The following SESTD1 variants were observed in gnomAD, a reference collection of about 807,000 sequenced individuals.
SESTD1 encodes the protein SEC14 domain and spectrin repeat-containing protein 1.
In SESTD1, 43 loss-of-function variants were observed where a neutral mutation model predicts 101.7. That is an observed-to-expected ratio of 0.42 (90% CI 0.33 to 0.55). The LOEUF is 0.55. Ranked by LOEUF, SESTD1 falls within the 20% of genes least tolerant of loss-of-function variation. The pLI, the probability that SESTD1 is intolerant of heterozygous loss-of-function variation, is 0.07. For synonymous variants in SESTD1, 283 were observed against 286.8 expected, an observed-to-expected ratio of 0.99 and a Z score of 0.13; for missense variants, 647 against 815.1, an observed-to-expected ratio of 0.79 and a Z score of 2.51.
intron 4 of SESTD1, among the ~76,000 whole-genome samples, chr2:179,173,615 T>C (rs887250879): frequency 6.6e-6 from 1 of 152,186 alleles, no homozygotes; most frequent in African/African-American, 2.4e-5. Flanking sequence ...TAAAAAGTCA[T>C]TGAGCTGAAT....
At chr2:179,168,330 T>C (rs975949219) in intron 5 of SESTD1, among the ~76,000 whole-genome samples, 4 of 152,226 alleles carry the variant, frequency 2.6e-5, no homozygotes, top group African/African-American at 9.7e-5. Flanking sequence ...ATACAATGTA[T>C]AATACATATA....
chr2:179,132,134 TA>T (rs2045027359), intron 10 of SESTD1, 169 bp downstream of exon 10: 4 of 651,892 alleles, frequency 6.1e-6, no homozygotes, highest in Non-Finnish European at 9.2e-6. Context: ...ACCTTCTAAT[TA>T]ACATGTACTA....
chr2:179,256,811 CA>C (rs368195849), intron 1 of SESTD1, among the ~76,000 whole-genome samples: 2,584 of 76,498 alleles, frequency 0.034, 24 homozygotes, highest in East Asian at 0.058. Context: ...GACTCCACCT[CA>C]AAAAAAAAAA....
chr2:179,218,634 G>T (rs1244081388), intron 1 of SESTD1, among the ~76,000 whole-genome samples: 1 of 152,158 alleles, frequency 6.6e-6, no homozygotes, highest in Non-Finnish European at 1.5e-5. Context: ...TACAGTTAGG[G>T]ACAATGAATT....
chr2:179,170,119 G>C (rs2045904705), intron 5 of SESTD1, among the ~76,000 whole-genome samples: 1 of 151,314 alleles, frequency 6.6e-6, no homozygotes, highest in Non-Finnish European at 1.5e-5. Context: ...CAATCTTTGT[G>C]ACCTTGAGTA....
In SESTD1 at chr2:179,112,854, A is replaced by C; in HGVS notation, c.1840-9T>G. The C allele has an allele frequency of 6.2e-7, 1 of 1,605,652 alleles. No individual in the cohort carries two copies. The highest frequency in any genetic ancestry group is 1.3e-5 in the African/African-American group (1 of 74,704). ...GGACAGTCCTGCAAAATCTGCAACA[A>C]ATAAAAGAGCAACATCAATCAAGAG... On this transcript the variant is annotated splice_polypyrimidine_tract_variant and intron_variant, in intron 16 of 17. Transcript: ENST00000428443.
intron 1 of SESTD1, among the ~76,000 whole-genome samples, chr2:179,245,590 G>T (rs928123571): frequency 6.6e-6 from 1 of 151,268 alleles, no homozygotes; most frequent in Non-Finnish European, 1.5e-5. Flanking sequence ...TACTTAGGGG[G>T]AGCTGAGGTG....
At chr2:179,196,080 C>T (rs1475150717) in intron 1 of SESTD1, among the ~76,000 whole-genome samples, 1 of 152,052 alleles carries the variant, frequency 6.6e-6, no homozygotes, top group Non-Finnish European at 1.5e-5. Context: ...AGACAGTGGG[C>T]GCAGGTCAGT....
chr2:179,202,907 T>C (rs142272338), intron 1 of SESTD1, among the ~76,000 whole-genome samples: 1 of 134,458 alleles, frequency 7.4e-6, no homozygotes, highest in Non-Finnish European at 1.6e-5. Flanking sequence ...CCACAGGGTC[T>C]CCTGACAAAC....
At chr2:179,158,829 C>G (rs1438210247) in intron 5 of SESTD1, among the ~76,000 whole-genome samples, 2 of 152,188 alleles carry the variant, frequency 1.3e-5, no homozygotes, top group Admixed American at 1.3e-4. Context: ...GTATCAACAC[C>G]AAAGGTATCT....
Position 179,136,162 on chromosome 2 carries a change from T to C in SESTD1, c.850-3736A>G, listed in dbSNP as rs76990306. ...GTCTGAATTCCGGCTCTGCTTCTTC[T>C]AGTTGAAAGACTTTGGTTTCTCATC... is the stretch of plus-strand genomic sequence containing the variant. On this transcript the variant is annotated intron_variant, in intron 9 of 17. Transcript: ENST00000428443. Among the ~76,000 whole-genome samples, 651 of 152,356 alleles carry C rather than the reference T, an allele frequency of 4.3e-3. 2 individuals are homozygous for C. Among genetic ancestry groups the C allele is most frequent in the African/African-American group, 0.014 (603 of 41,592 alleles).
chr2:179,116,504 G>T, intron 15 of SESTD1, 164 bp downstream of exon 15: 2 of 1,033,630 alleles, frequency 1.9e-6, no homozygotes, highest in Non-Finnish European at 3.0e-6. Flanking sequence ...TCAAGTTTAT[G>T]CAGGCTAGTT....
chr2:179,155,529 C>A (rs1460947632), intron 5 of SESTD1, among the ~76,000 whole-genome samples: 1 of 151,866 alleles, frequency 6.6e-6, no homozygotes, highest in Non-Finnish European at 1.5e-5. Context: ...GGTAAGAGGA[C>A]TGCTTGAGCC....
intron 1 of SESTD1, among the ~76,000 whole-genome samples, chr2:179,254,561 C>T (rs182805750): frequency 6.6e-6 from 1 of 152,354 alleles, no homozygotes; most frequent in East Asian, 1.9e-4. Flanking sequence ...TACTCCTACT[C>T]ATAACAATAA....
chr2:179,225,627 T>A (rs1198929366), intron 1 of SESTD1, among the ~76,000 whole-genome samples: 4 of 152,134 alleles, frequency 2.6e-5, no homozygotes, highest in African/African-American at 7.2e-5. Context: ...CACCACCAGG[T>A]TCAGTGCCTG....
At chr2:179,228,477 G>A (rs1043271338) in intron 1 of SESTD1, among the ~76,000 whole-genome samples, 1 of 152,168 alleles carries the variant, frequency 6.6e-6, no homozygotes, top group African/African-American at 2.4e-5. Context: ...AGCCTGTGGT[G>A]GGAATGGGGT....
At position 179,143,739 on chromosome 2, in the gene SESTD1, C is replaced by G. The variant is rs1473908790; in HGVS notation, c.702G>C (p.Trp234Cys). 6.8e-6 allele frequency: 11 copies of G among 1,613,938 alleles called. No individual in the cohort carries two copies. Among genetic ancestry groups the G allele is most frequent in the Non-Finnish European group, 9.3e-6 (11 of 1,179,932 alleles). The change falls in exon 9 of 18, where the codon TGG (tryptophan) becomes TGC (cysteine). Residue 234 changes from tryptophan (W) to cysteine (C), a missense_variant. Physicochemically the swap from Trp to Cys is radical, Grantham distance 215. This residue lies in a region of SESTD1 where 476 missense variants were observed against 562.6 expected (regional missense o/e 0.85). Transcript: ENST00000428443. ...CAAGAAGTTCATCATCCATAGGAGA[C>G]CATGAAACCCCTCCGTCTGAGCCAT... ...RFNGSDGGVSWSPMDDELLAQ... is the reference protein window; with the variant it reads ...RFNGSDGGVSCSPMDDELLAQ...
intron 1 of SESTD1, among the ~76,000 whole-genome samples, chr2:179,211,393 C>T (rs2105517523): frequency 7.5e-6 from 1 of 134,030 alleles, no homozygotes. Context: ...GGGGGCATCA[C>T]ATTACCCAAC....
chr2:179,170,451 A>G (rs868230562), intron 5 of SESTD1, among the ~76,000 whole-genome samples: 2 of 152,194 alleles, frequency 1.3e-5, no homozygotes, highest in Non-Finnish European at 1.5e-5. Context: ...ATACTGTGAT[A>G]TAAGAAATAT....
Sources: allele counts gnomAD v4.1 joint callset (sites outside exome capture counted in the v4.1 genomes callset), GRCh38; gene constraint gnomAD v4.1.1; regional missense constraint gnomAD v4.1.1; transcripts MANE v1.5; gene names NCBI Gene and HGNC (gene_info 2026-07-23, HGNC 2026-07-21).